The following CRYL1 variants were observed in gnomAD, a reference collection of about 807,000 sequenced individuals.
CRYL1 encodes the protein lambda-crystallin homolog.
CRYL1 carries 29 observed loss-of-function variants against 36.6 expected under a neutral mutation model. That is an observed-to-expected ratio of 0.79 (90% CI 0.59 to 1.08). The LOEUF is 1.08. Among genes scored for constraint, CRYL1 ranks in the 50% least tolerant of loss-of-function variants. The probability of loss-of-function intolerance (pLI) is 0.00; values close to 1 mark genes in which losing one functional copy is unlikely to be tolerated. For synonymous variants in CRYL1, 152 were observed against 151.5 expected, an observed-to-expected ratio of 1.00 and a Z score of -0.02; for missense variants, 411 against 407.9, an observed-to-expected ratio of 1.01 and a Z score of -0.06.
chr13:20,415,566 G>T lies in CRYL1; in HGVS notation c.634-2179C>A, dbSNP rs893397335. 3.9e-5 allele frequency among the ~76,000 whole-genome samples: 6 copies of T among 152,204 alleles called. No individual in the cohort carries two copies. The highest frequency in any genetic ancestry group is 2.6e-4 in the Admixed American group (4 of 15,286). On this transcript the variant is annotated intron_variant, in intron 5 of 7. Coordinates refer to ENST00000298248, the MANE Select transcript of CRYL1 (RefSeq NM_015974.3). This position sits in a 1 kb window ranked among gnomAD's most constrained non-coding sequence, Gnocchi z 4.1. ...GCCAGGGCCACTCACTGTGACCCGC[G>T]ACTCCCTTTTAGAGAGCCACTTTGC...
chr13:20,519,256 T>C (rs2034054939), intron 1 of CRYL1, among the ~76,000 whole-genome samples: 1 of 151,746 alleles, frequency 6.6e-6, no homozygotes, highest in African/African-American at 2.4e-5. Flanking sequence ...GTCAGGAAAG[T>C]GAAGGGAGCT....
intron 5 of CRYL1, among the ~76,000 whole-genome samples, chr13:20,422,216 C>T (rs2031834213): frequency 6.6e-6 from 1 of 151,990 alleles, no homozygotes; most frequent in Non-Finnish European, 1.5e-5. Context: ...AAAAATTAGC[C>T]AGGCATGGTG....
At chr13:20,471,168 G>A (rs148980135) in intron 3 of CRYL1, among the ~76,000 whole-genome samples, 4 of 152,202 alleles carry the variant, frequency 2.6e-5, no homozygotes, top group African/African-American at 9.6e-5. Context: ...AGAGTATGAC[G>A]TGGCTATTAC....
intron 2 of CRYL1, among the ~76,000 whole-genome samples, chr13:20,499,661 A>C (rs4065067): frequency 0.87 from 132,234 of 151,776 alleles, 60,231 homozygotes; most frequent in East Asian, 1. Context: ...CACACACAAA[A>C]AAAAATGTAG....
At chr13:20,522,571 A>G (rs2034114641) in intron 1 of CRYL1, among the ~76,000 whole-genome samples, 1 of 152,188 alleles carries the variant, frequency 6.6e-6, no homozygotes, top group Non-Finnish European at 1.5e-5. Context: ...GGGACCACGC[A>G]TGGTGGATAC....
At chr13:20,492,281 T>C (rs2033527424) in intron 2 of CRYL1, among the ~76,000 whole-genome samples, 1 of 152,240 alleles carries the variant, frequency 6.6e-6, no homozygotes, top group Non-Finnish European at 1.5e-5. Flanking sequence ...AACCACTGAA[T>C]TGGACGTGTC....
chr13:20,439,613 G>GCTTCT lies in CRYL1; in HGVS notation c.417_418insAGAAG (p.Gln140ArgfsTer10), dbSNP rs2137402635. Reference sequence around the variant, plus strand: ...CTCACAGGATGAGCCACGATGCATTGCTTCACATGGACCAAGCCAGCAAAC... The same window carrying GCTTCT: ...CTCACAGGATGAGCCACGATGCATTGCTTCTCTTCACATGGACCAAGCCAGCAAAC... On this transcript the variant is annotated frameshift_variant, in exon 4 of 8. Coordinates refer to ENST00000298248, the MANE Select transcript of CRYL1 (RefSeq NM_015974.3). LOFTEE classifies it high-confidence loss of function. 6.2e-7 allele frequency: 1 copy of GCTTCT among 1,610,352 alleles called. No individual in the cohort carries two copies. The highest frequency in any genetic ancestry group is 8.5e-7 in the Non-Finnish European group (1 of 1,178,558).
intron 5 of CRYL1, among the ~76,000 whole-genome samples, chr13:20,429,543 A>C (rs1321615134): frequency 1.3e-5 from 2 of 152,136 alleles, no homozygotes; most frequent in African/African-American, 4.8e-5. Flanking sequence ...TCCTTAAACC[A>C]ACCCACCAGA....
In CRYL1 at chr13:20,415,096, G is replaced by C. The variant is rs1295050049; in HGVS notation, c.634-1709C>G. On this transcript the variant is annotated intron_variant, in intron 5 of 7. Coordinates refer to ENST00000298248, the MANE Select transcript of CRYL1 (RefSeq NM_015974.3). This position sits in a 1 kb window ranked among gnomAD's most constrained non-coding sequence, Gnocchi z 4.1. ...GCCCGCCTGCCCTCGGCTGAGCCCG[G>C]TTTCCCTACCCCGGGGCACCTCCCC... 6.6e-6 allele frequency among the ~76,000 whole-genome samples: 1 copy of C among 152,144 alleles called. No homozygotes were observed. Among genetic ancestry groups the C allele is most frequent in the East Asian group, 1.9e-4 (1 of 5,172 alleles).
intron 3 of CRYL1, among the ~76,000 whole-genome samples, chr13:20,488,519 GA>G (rs1477777293): frequency 6.6e-6 from 1 of 152,156 alleles, no homozygotes; most frequent in African/African-American, 2.4e-5. Context: ...TTCTGTATTT[GA>G]CCCGAATCTT....
rs1397371967 is a variant in CRYL1 at position 20,425,420 on chromosome 13, C to T, written c.633+6682G>A. 6.6e-6 allele frequency among the ~76,000 whole-genome samples: 1 copy of T among 152,230 alleles called. No homozygotes were observed. The highest frequency in any genetic ancestry group is 1.5e-5 in the Non-Finnish European group (1 of 68,050). On this transcript the variant is annotated intron_variant, in intron 5 of 7. Transcript: ENST00000298248. This position sits in a 1 kb window ranked among gnomAD's most constrained non-coding sequence, Gnocchi z 4.4. Reference sequence around the variant, plus strand: ...CTGTTATAGGGTCTCAGGGCACCTGCTCACGTTGACAATGATATTAGTGAA... The same window carrying T: ...CTGTTATAGGGTCTCAGGGCACCTGTTCACGTTGACAATGATATTAGTGAA...
intron 3 of CRYL1, among the ~76,000 whole-genome samples, chr13:20,457,491 C>G (rs558127900): frequency 4.9e-4 from 74 of 152,274 alleles, no homozygotes; most frequent in African/African-American, 1.7e-3. Flanking sequence ...GAATCAATAA[C>G]TGATGTGGAA....
At chr13:20,404,288 T>C (rs1165963438) in intron 7 of CRYL1, 46 bp from the exon 8 acceptor site, 1 of 1,294,370 alleles carries the variant, frequency 7.7e-7, no homozygotes, top group Non-Finnish European at 1.1e-6. Flanking sequence ...GAGGAAATAA[T>C]TTATCAAGAG....
chr13:20,482,309 A>AT (rs1459443392), intron 3 of CRYL1, among the ~76,000 whole-genome samples: 13 of 152,178 alleles, frequency 8.5e-5, no homozygotes, highest in Admixed American at 7.2e-4. Flanking sequence ...AGGAAACCCC[A>AT]TTTAAACTTC....
intron 5 of CRYL1, among the ~76,000 whole-genome samples, chr13:20,417,363 CAG>C (rs2031696257): frequency 6.6e-6 from 1 of 152,144 alleles, no homozygotes; most frequent in South Asian, 2.1e-4. Context: ...TGTGTTGAAA[CAG>C]GGAACTGACA....
At chr13:20,497,189 G>C (rs1387297497) in intron 2 of CRYL1, among the ~76,000 whole-genome samples, 3 of 151,930 alleles carry the variant, frequency 2.0e-5, no homozygotes, top group South Asian at 2.1e-4. Context: ...CCGTTGGGGG[G>C]TGCTACAGAT....
At chr13:20,483,136 T>C (rs915934937) in intron 3 of CRYL1, among the ~76,000 whole-genome samples, 3 of 151,990 alleles carry the variant, frequency 2.0e-5, no homozygotes, top group African/African-American at 7.2e-5. Flanking sequence ...AATAATACAG[T>C]AGGGAAATTA....
Position 20,412,927 on chromosome 13 carries a change from G to A in CRYL1, c.739+355C>T, listed in dbSNP as rs929737073. ...GGTTAAGTCAGTCCCCTATCTTTTC[G>A]TCTTGCCTCTGTAAATAATGTCATC... On this transcript the variant is annotated intron_variant, in intron 6 of 7. Transcript: ENST00000298248. Among the ~76,000 whole-genome samples the A allele has an allele frequency of 9.2e-5, 14 of 152,238 alleles. No individual in the cohort carries two copies. The South Asian group carries it at 1.0e-3, about 11-fold the overall frequency.
chr13:20,508,848 C>CAAAAAAAA lies in CRYL1; in HGVS notation c.149+3587_149+3594dup, dbSNP rs1179533995. On this transcript the variant is annotated intron_variant, in intron 2 of 7. Transcript: ENST00000298248. ...CGGCCTAGGTGGCAGAGCGAGACTC[C>CAAAAAAAA]AAAAAAAAAAAAAAAAAAAAAAAAA... is the stretch of plus-strand genomic sequence containing the variant. Among the ~76,000 whole-genome samples, 8 of 10,448 alleles carry CAAAAAAAA rather than the reference C, an allele frequency of 7.7e-4. 1 individual carries two copies. Among genetic ancestry groups the CAAAAAAAA allele is most frequent in the African/African-American group, 2.2e-3 (7 of 3,136 alleles). 6.9% of individuals were successfully genotyped at this position (10,448 alleles called of 152,430 possible).
Sources: allele counts gnomAD v4.1 joint callset (sites outside exome capture counted in the v4.1 genomes callset), GRCh38; gene constraint gnomAD v4.1.1; non-coding constraint Gnocchi (gnomAD v3.1); transcripts MANE v1.5; gene names NCBI Gene and HGNC (gene_info 2026-07-23, HGNC 2026-07-21).